The following IQCJ variants were observed in gnomAD, a reference collection of about 807,000 sequenced individuals.
IQCJ encodes IQ motif containing J.
Under a neutral mutation model 11.0 loss-of-function variants are expected in IQCJ, and 9 were observed. That is an observed-to-expected ratio of 0.82 (90% CI 0.49 to 1.43). The LOEUF (loss-of-function observed/expected upper bound fraction) is 1.43. Among genes scored for constraint, IQCJ ranks in the 40% most tolerant of loss-of-function variants. The pLI is 0.00. For missense variants in IQCJ, 146 were observed against 133.2 expected, an observed-to-expected ratio of 1.10 and a Z score of -0.47; for synonymous variants, 55 against 51.3, an observed-to-expected ratio of 1.07 and a Z score of -0.31.
intron 1 of IQCJ, chr3:159,069,763 C>T (rs992922780): frequency 3.7e-6 from 2 of 541,316 alleles, no homozygotes; most frequent in South Asian, 1.6e-5. Context: ...TACACAACAA[C>T]AGCAAGTAGA....
intron 1 of IQCJ, among the ~76,000 whole-genome samples, chr3:159,201,698 G>A (rs945258196): frequency 6.7e-6 from 1 of 149,298 alleles, no homozygotes; most frequent in Non-Finnish European, 1.5e-5. Context: ...GCAGTGGCGG[G>A]ATCTCGGCTC....
chr3:159,137,693 G>A (rs977703823), intron 1 of IQCJ, among the ~76,000 whole-genome samples: 7 of 152,144 alleles, frequency 4.6e-5, no homozygotes, highest in African/African-American at 7.2e-5. Flanking sequence ...TGCACCATGA[G>A]CTTATTAGTG....
intron 1 of IQCJ, among the ~76,000 whole-genome samples, chr3:159,107,283 C>T (rs1205510910): frequency 6.6e-6 from 1 of 152,086 alleles, no homozygotes; most frequent in Non-Finnish European, 1.5e-5. Flanking sequence ...TAAAAAAGAC[C>T]CCAGAGAGCT....
chr3:159,069,714 A>G (rs1715417672), intron 1 of IQCJ: 4 of 573,346 alleles, frequency 7.0e-6, no homozygotes, highest in South Asian at 5.3e-5. Context: ...AACACTTCCT[A>G]TGAACATCCA....
At chr3:159,086,839 G>T (rs1716812874) in intron 1 of IQCJ, among the ~76,000 whole-genome samples, 1 of 152,080 alleles carries the variant, frequency 6.6e-6, no homozygotes. Context: ...GGGTTTTCTA[G>T]ATATACAATC....
chr3:159,164,743 G>C (rs937471951), intron 1 of IQCJ, among the ~76,000 whole-genome samples: 11 of 152,156 alleles, frequency 7.2e-5, no homozygotes, highest in African/African-American at 2.7e-4. Context: ...ACTCCAGCCT[G>C]GGTGACAGAG....
chr3:159,078,981 A>C (rs963003824), intron 1 of IQCJ, among the ~76,000 whole-genome samples: 5 of 152,082 alleles, frequency 3.3e-5, no homozygotes, highest in Non-Finnish European at 7.4e-5. Context: ...TAATAATATG[A>C]TAACTAAATC....
chr3:159,257,111 G>A (rs1208266148), intron 3 of IQCJ, among the ~76,000 whole-genome samples: 1 of 152,176 alleles, frequency 6.6e-6, no homozygotes, highest in Non-Finnish European at 1.5e-5. Context: ...TTTCTGGGAT[G>A]CAATGTTAGA....
intron 1 of IQCJ, among the ~76,000 whole-genome samples, chr3:159,166,637 C>T (rs1412122450): frequency 6.6e-6 from 1 of 152,168 alleles, no homozygotes; most frequent in Non-Finnish European, 1.5e-5. Context: ...CCAAGTGCAG[C>T]AGTGTGCATT....
intron 1 of IQCJ, among the ~76,000 whole-genome samples, chr3:159,206,126 ATCTT>A (rs1724645021): frequency 6.6e-6 from 1 of 152,152 alleles, no homozygotes; most frequent in African/African-American, 2.4e-5. Flanking sequence ...ACTTCTCTGA[ATCTT>A]TCTTCTTCAA....
intron 1 of IQCJ, among the ~76,000 whole-genome samples, chr3:159,195,493 T>C (rs1723933468): frequency 6.6e-6 from 1 of 152,218 alleles, no homozygotes; most frequent in Non-Finnish European, 1.5e-5. Context: ...TAAGCTTAAA[T>C]GGTTCAGTGT....
chr3:159,192,456 G>T (rs1008745668), intron 1 of IQCJ, among the ~76,000 whole-genome samples: 1 of 152,184 alleles, frequency 6.6e-6, no homozygotes, highest in Non-Finnish European at 1.5e-5. Context: ...AGAGAGTGAA[G>T]GAAGCAGAGT....
chr3:159,259,224 C>T (rs1296632868), intron 3 of IQCJ, among the ~76,000 whole-genome samples: 2 of 152,072 alleles, frequency 1.3e-5, no homozygotes, highest in African/African-American at 2.4e-5. Flanking sequence ...GCAGATTGTG[C>T]CACCCCTGCT....
intron 2 of IQCJ, among the ~76,000 whole-genome samples, chr3:159,248,219 A>G (rs945675332): frequency 1.3e-5 from 2 of 152,194 alleles, no homozygotes; most frequent in African/African-American, 2.4e-5. Flanking sequence ...GATACCTTCA[A>G]TGCTGGCTCC....
At chr3:159,088,432 G>T (rs1390649830) in intron 1 of IQCJ, among the ~76,000 whole-genome samples, 2 of 152,154 alleles carry the variant, frequency 1.3e-5, no homozygotes, top group Admixed American at 6.5e-5. Context: ...ATGTCTATTA[G>T]GTCCACTTGG....
rs1004058637 is a variant in IQCJ, at chr3:159,190,419, C to T, written c.10-55424C>T. On this transcript the variant is annotated intron_variant, in intron 1 of 3. Transcript: ENST00000397832. ...AGTGCTGACTTCCGAGATTTACAGT[C>T]TCATTAGGGAATGCATTCTTCTCTG... Among the ~76,000 whole-genome samples, 3 of 152,188 alleles carry T rather than the reference C, an allele frequency of 2.0e-5. No individual in the cohort carries two copies. The South Asian group carries it at 6.2e-4, about 31-fold the overall frequency.
In IQCJ at chr3:159,069,415, T is replaced by G. The variant is rs756029889; in HGVS notation, c.-18T>G. 2.5e-6 allele frequency: 4 copies of G among 1,609,030 alleles called. No homozygotes were observed. The African/African-American group carries it at 5.4e-5, about 22-fold the overall frequency. Reference sequence around the variant, plus strand: ...GATCCAGTCTCCTTTCACCTGCAGGTGTTCCAGAAACTTCAAAATGCGTCT... The same window carrying G: ...GATCCAGTCTCCTTTCACCTGCAGGGGTTCCAGAAACTTCAAAATGCGTCT... On this transcript the variant is annotated 5_prime_UTR_variant, in exon 1 of 4. Transcript: ENST00000397832.
intron 1 of IQCJ, among the ~76,000 whole-genome samples, chr3:159,239,047 T>C (rs372050189): frequency 5.9e-5 from 9 of 152,168 alleles, no homozygotes; most frequent in Admixed American, 4.6e-4. Flanking sequence ...GGGGTAGATC[T>C]ATTTGTGTTT....
intron 1 of IQCJ, among the ~76,000 whole-genome samples, chr3:159,168,184 G>A (rs988399168): frequency 2.6e-5 from 4 of 152,128 alleles, no homozygotes; most frequent in Non-Finnish European, 4.4e-5. Flanking sequence ...CTAGGGATCC[G>A]GCCTTTACCA....
Sources: allele counts gnomAD v4.1 joint callset (sites outside exome capture counted in the v4.1 genomes callset), GRCh38; gene constraint gnomAD v4.1.1; transcripts MANE v1.5; gene names NCBI Gene and HGNC (gene_info 2026-07-23, HGNC 2026-07-21).